Variants in NRP2 observed in about 807,000 individuals in gnomAD.
NRP2 encodes the protein neuropilin 2.
A neutral mutation model predicts 110.4 loss-of-function variants in NRP2; 52 were observed. The ratio of observed to expected loss-of-function variants is 0.47; its 90% CI spans 0.38 to 0.59. The LOEUF (loss-of-function observed/expected upper bound fraction) is 0.59. Among genes scored for constraint, NRP2 ranks in the 20% least tolerant of loss-of-function variants. NRP2 has a pLI of 0.00. For missense variants in NRP2, 1,049 were observed against 1,203.0 expected (o/e 0.87, Z 1.89); for synonymous variants, 508 against 468.9 (o/e 1.08, Z -1.08).
At chr2:205,691,557 T>C (rs2056315812) in intron 1 of NRP2, among the ~76,000 whole-genome samples, 1 of 152,232 alleles carries the variant, frequency 6.6e-6, no homozygotes, top group Admixed American at 6.5e-5. Flanking sequence ...TGCTAACCAA[T>C]GGGGAGCCAT....
At chr2:205,689,510 G>A (rs923941558) in intron 1 of NRP2, among the ~76,000 whole-genome samples, 2 of 152,102 alleles carry the variant, frequency 1.3e-5, no homozygotes, top group African/African-American at 2.4e-5. Flanking sequence ...TAACCATTGT[G>A]GTAAGTTGAT....
intron 2 of NRP2, among the ~76,000 whole-genome samples, chr2:205,715,546 C>A (rs1310540455): frequency 6.6e-6 from 1 of 152,164 alleles, no homozygotes; most frequent in African/African-American, 2.4e-5. Context: ...GGGAACCTCG[C>A]AGAGTCATCT....
intron 6 of NRP2, among the ~76,000 whole-genome samples, chr2:205,726,427 TG>T (rs2057130089): frequency 6.6e-6 from 1 of 152,078 alleles, no homozygotes; most frequent in African/African-American, 2.4e-5. Context: ...ATCAGGGACA[TG>T]GGGGGCATTC....
At chr2:205,709,345 C>T (rs905559826) in intron 2 of NRP2, among the ~76,000 whole-genome samples, 1 of 152,186 alleles carries the variant, frequency 6.6e-6, no homozygotes, top group African/African-American at 2.4e-5. Context: ...CCACATCCAC[C>T]ATCCTGTTTT....
chr2:205,697,431 A>C, intron 1 of NRP2, 113 bp from the exon 2 acceptor site: 1 of 1,003,130 alleles, frequency 1.0e-6, no homozygotes, highest in East Asian at 2.4e-5. Context: ...CTGCCATAAA[A>C]GGTCTGTAAA....
chr2:205,735,447 A>C (rs1006688215), intron 7 of NRP2, among the ~76,000 whole-genome samples: 3 of 144,666 alleles, frequency 2.1e-5, no homozygotes, highest in Admixed American at 2.1e-4. Context: ...GATGCTTCTT[A>C]TTAGATTTTA....
At chr2:205,706,614 C>A (rs890926489) in intron 2 of NRP2, among the ~76,000 whole-genome samples, 2 of 151,972 alleles carry the variant, frequency 1.3e-5, no homozygotes, top group African/African-American at 4.8e-5. Context: ...AAGTTCAAAG[C>A]GATTTATCTA....
At position 205,686,909 on chromosome 2, in the gene NRP2, G is replaced by T. The variant is rs2105860401; in HGVS notation, c.73+3546G>T. Among the ~76,000 whole-genome samples the T allele has an allele frequency of 6.6e-6, 1 of 152,298 alleles. No individual in the cohort carries two copies. ...AGCGCCCACTACGAACGTCCCCTTT[G>T]CTAGAGTTAATCATGATCTGCGGGG... On this transcript the variant is annotated intron_variant, in intron 1 of 16. Transcript: ENST00000357785. The surrounding 1 kb of genome is among the most constrained non-coding windows in gnomAD (Gnocchi z 4.7).
intron 15 of NRP2, among the ~76,000 whole-genome samples, chr2:205,787,093 A>G (rs1437479909): frequency 6.6e-6 from 1 of 152,172 alleles, no homozygotes; most frequent in East Asian, 1.9e-4. Flanking sequence ...TCCTGTAAAG[A>G]CAAGGGAATT....
At chr2:205,794,324 A>C (rs963456578) in intron 16 of NRP2, among the ~76,000 whole-genome samples, 2 of 152,124 alleles carry the variant, frequency 1.3e-5, no homozygotes, top group Admixed American at 1.3e-4. Flanking sequence ...GTTAGCCAGG[A>C]TGGTCTCGAT....
intron 15 of NRP2, among the ~76,000 whole-genome samples, chr2:205,788,901 G>T (rs2058266891): frequency 6.6e-6 from 1 of 152,286 alleles, no homozygotes; most frequent in South Asian, 2.1e-4. Context: ...TTACTAAGTG[G>T]TGTTAGGCTG....
At chr2:205,691,374 C>G (rs2056312555) in intron 1 of NRP2, among the ~76,000 whole-genome samples, 1 of 152,010 alleles carries the variant, frequency 6.6e-6, no homozygotes, top group Non-Finnish European at 1.5e-5. Flanking sequence ...GAAGGGCATA[C>G]CAGGGGAAGG....
Position 205,794,998 on chromosome 2 carries a change from C to G in NRP2, c.2721C>G (p.Leu907=). The part of the protein sequence containing the change: ...CTTLENYNFE[L]YDGLKHKVKM... ...CACTGGAGAACTACAACTTCGAGCTCTACGATGGCCTTAAGCACAAGGTCA... is the reference window on the plus strand; with the variant it reads ...CACTGGAGAACTACAACTTCGAGCTGTACGATGGCCTTAAGCACAAGGTCA... The change falls in exon 17 of 17, where the codon CTC becomes CTG. Residue 907 remains leucine (L), a synonymous_variant. Transcript: ENST00000357785. The G allele has an allele frequency of 1.2e-6, 2 of 1,614,174 alleles. No individual in the cohort carries two copies. Among genetic ancestry groups the G allele is most frequent in the Non-Finnish European group, 8.5e-7 (1 of 1,180,042 alleles).
rs1391248613 is a variant in NRP2 at position 205,689,611 on chromosome 2, C to A, written c.73+6248C>A. 4.6e-5 allele frequency among the ~76,000 whole-genome samples: 7 copies of A among 152,322 alleles called. No individual in the cohort carries two copies. In the East Asian group the frequency reaches 1.4e-3, roughly 29 times the overall value. ...AAGCACCATATTATCTCTCGCCATGCTCTTCTTCAGAGAATATTCTCTGCT... is the reference window on the plus strand; with the variant it reads ...AAGCACCATATTATCTCTCGCCATGATCTTCTTCAGAGAATATTCTCTGCT... On this transcript the variant is annotated intron_variant, in intron 1 of 16. Transcript: ENST00000357785.
intron 1 of NRP2, among the ~76,000 whole-genome samples, chr2:205,683,665 C>T (rs745591193): frequency 6.6e-6 from 1 of 152,100 alleles, no homozygotes; most frequent in Non-Finnish European, 1.5e-5. Flanking sequence ...TACTACAAAG[C>T]CTTTGCATTA....
chr2:205,791,099 A>G (rs35412260), intron 15 of NRP2, among the ~76,000 whole-genome samples: 2,551 of 152,356 alleles, frequency 0.017, 34 homozygotes, highest in Middle Eastern at 0.034. Context: ...TGCTCAGTTC[A>G]GATCATGGTC....
At chr2:205,752,564 A>T (rs2057665927) in intron 11 of NRP2, 9 of 472,398 alleles carry the variant, frequency 1.9e-5, no homozygotes, top group South Asian at 1.9e-4. Context: ...GAAGAGGCTG[A>T]TTAGAGCCTG....
At chr2:205,717,217 C>A (rs2056917639) in intron 3 of NRP2, among the ~76,000 whole-genome samples, 1 of 151,942 alleles carries the variant, frequency 6.6e-6, no homozygotes, top group African/African-American at 2.4e-5. Context: ...GTCCTCCAGT[C>A]CTCCCCACCC....
chr2:205,754,947 C>G (rs776334954), intron 12 of NRP2, among the ~76,000 whole-genome samples: 37 of 152,102 alleles, frequency 2.4e-4, no homozygotes, highest in Non-Finnish European at 2.9e-5. Flanking sequence ...TGATTCTGGC[C>G]TCCTCCCTTG....
Sources: allele counts gnomAD v4.1 joint callset (sites outside exome capture counted in the v4.1 genomes callset), GRCh38; gene constraint gnomAD v4.1.1; non-coding constraint Gnocchi (gnomAD v3.1); transcripts MANE v1.5; gene names NCBI Gene and HGNC (gene_info 2026-07-23, HGNC 2026-07-21).